Variants in PIGN observed in about 807,000 individuals in gnomAD.
PIGN encodes the protein phosphatidylinositol glycan anchor biosynthesis class N.
In PIGN, 117 loss-of-function variants were observed where a neutral mutation model predicts 125.4. That is an observed-to-expected ratio of 0.93 (90% CI 0.80 to 1.09). PIGN has a LOEUF of 1.09. Ranked by LOEUF, PIGN falls within the 50% of genes least tolerant of loss-of-function variation. PIGN has a pLI of 0.00. For missense variants in PIGN, 1,075 were observed against 1,094.9 expected (o/e 0.98, Z 0.26); for synonymous variants, 392 against 377.8 (o/e 1.04, Z -0.44).
intron 30 of PIGN, among the ~76,000 whole-genome samples, chr18:62,071,863 C>CATTTATATATAT (rs2032871288): frequency 1.3e-5 from 1 of 77,618 alleles, no homozygotes; most frequent in African/African-American, 4.6e-5. Flanking sequence ...ACTCCTTTTC[C>CATTTATATATAT]ATATATATAT....
intron 30 of PIGN, among the ~76,000 whole-genome samples, chr18:62,069,046 A>C (rs1339059181): frequency 1.3e-5 from 2 of 152,212 alleles, no homozygotes; most frequent in East Asian, 3.8e-4. Flanking sequence ...CAGAACTGTG[A>C]GTTTCTCATC....
chr18:62,111,019 T>C (rs17642003), intron 16 of PIGN, among the ~76,000 whole-genome samples: 25,594 of 151,600 alleles, frequency 0.17, 2,920 homozygotes, highest in Middle Eastern at 0.28. Flanking sequence ...CTATATTGTA[T>C]TATTTCTTAT....
intron 30 of PIGN, among the ~76,000 whole-genome samples, chr18:62,051,359 A>G (rs1468213791): frequency 6.6e-6 from 1 of 152,166 alleles, no homozygotes; most frequent in Non-Finnish European, 1.5e-5. Context: ...TAAGCTATTG[A>G]TTATTGCCAC....
At chr18:62,127,133 A>C (rs1028319114) in intron 14 of PIGN, among the ~76,000 whole-genome samples, 3 of 152,144 alleles carry the variant, frequency 2.0e-5, no homozygotes, top group African/African-American at 7.2e-5. Flanking sequence ...ACTTGGGGGA[A>C]GTATCATTCT....
intron 25 of PIGN, chr18:62,088,445 G>A: frequency 5.9e-6 from 1 of 169,136 alleles, no homozygotes; most frequent in Non-Finnish European, 1.2e-5. Context: ...GAAGTCGGGA[G>A]TTGAAAGACT....
intron 4 of PIGN, among the ~76,000 whole-genome samples, chr18:62,158,416 A>G (rs1348917507): frequency 6.6e-6 from 1 of 152,180 alleles, no homozygotes; most frequent in African/African-American, 2.4e-5. Flanking sequence ...ATTCTTAAAA[A>G]ACTAAGGGGA....
chr18:62,026,091 A>G (rs1451884380), intron 23 of PIGN, among the ~76,000 whole-genome samples: 1 of 152,200 alleles, frequency 6.6e-6, no homozygotes, highest in Non-Finnish European at 1.5e-5. Flanking sequence ...TATCACTCAC[A>G]TTGTGATAGC....
At chr18:62,156,626 C>T (rs1185078641) in intron 6 of PIGN, among the ~76,000 whole-genome samples, 1 of 152,190 alleles carries the variant, frequency 6.6e-6, no homozygotes, top group Non-Finnish European at 1.5e-5. Context: ...CCACTGTGCC[C>T]AGCCAATGTT....
In PIGN at chr18:62,045,581, G is replaced by C; in HGVS notation, c.*275C>G. ...GCTGCAGGTGCTCTCAACATCACTG[G>C]GAAGAGCTGCCAGCCAAAGGAAAAA... On this transcript the variant is annotated 3_prime_UTR_variant, in exon 31 of 31. Transcript: ENST00000640252. 3.7e-6 allele frequency: 1 copy of C among 273,168 alleles called. No homozygotes were observed. The highest frequency in any genetic ancestry group is 7.1e-6 in the Non-Finnish European group (1 of 141,792). The allele number at this position is 273,168 out of a possible 1,614,324, so 16.9% of individuals were successfully genotyped here.
intron 14 of PIGN, among the ~76,000 whole-genome samples, chr18:62,124,579 C>T (rs1440902671): frequency 6.6e-6 from 1 of 152,108 alleles, no homozygotes; most frequent in Non-Finnish European, 1.5e-5. Flanking sequence ...CAAATCTAAC[C>T]ATGCCTTAAA....
rs1389631296 is a variant in PIGN at position 62,044,364 on chromosome 18, T to TA, written c.*1491dup. On this transcript the variant is annotated 3_prime_UTR_variant, in exon 31 of 31. Coordinates refer to ENST00000640252, the MANE Select transcript of PIGN (RefSeq NM_176787.5). The stretch of plus-strand genomic sequence containing the variant: ...TTTTCTGATGTGTGAAAAAAACTGA[T>TA]AAAAAAATCCTTTGAGGTAATATGA... 1 of 152,200 alleles carries TA rather than the reference T, an allele frequency of 6.6e-6. No homozygotes were observed. The highest frequency in any genetic ancestry group is 1.9e-4 in the East Asian group (1 of 5,202). 9.4% of individuals were successfully genotyped at this position (152,200 alleles called of 1,614,324 possible). A position where few individuals can be genotyped will look rare whatever the true frequency, so the allele number is the denominator to read the frequency against.
At chr18:62,032,714 A>T (rs1423374674) in intron 23 of PIGN, among the ~76,000 whole-genome samples, 2 of 152,232 alleles carry the variant, frequency 1.3e-5, no homozygotes, top group Non-Finnish European at 2.9e-5. Context: ...CAAGTTATTT[A>T]TAATTATCCA....
At chr18:62,106,681 A>G in intron 19 of PIGN, 108 bp downstream of exon 19, 1 of 707,782 alleles carries the variant, frequency 1.4e-6, no homozygotes, top group Non-Finnish European at 2.4e-6. Context: ...TCTTTTATGT[A>G]AGAACACATT....
At position 62,026,886 on chromosome 18, in the gene PIGN, T is replaced by C. The variant is rs2030126622; in HGVS notation, c.2143-9145A>G. 5.3e-5 allele frequency among the ~76,000 whole-genome samples: 8 copies of C among 152,236 alleles called. No homozygotes were observed. The South Asian group carries it at 1.7e-3, about 32-fold the overall frequency. On this transcript the variant is annotated intron_variant, in intron 23 of 24. Coordinates refer to the PIGN transcript ENST00000639600. Reference sequence around the variant, plus strand: ...GTGTGGCCTGAGAAGGATGTTTCCTTTGAGGGACAAGCTTTTAAAGGAGGC... The same window carrying C: ...GTGTGGCCTGAGAAGGATGTTTCCTCTGAGGGACAAGCTTTTAAAGGAGGC...
intron 23 of PIGN, among the ~76,000 whole-genome samples, chr18:62,034,678 G>T (rs1009711505): frequency 6.6e-6 from 1 of 152,260 alleles, no homozygotes; most frequent in African/African-American, 2.4e-5. Context: ...TAGCTCCTTC[G>T]TTTTGGCCAA....
chr18:62,043,772 CA>C lies in PIGN; in HGVS notation c.*2083del, dbSNP rs1367272975. ...ATGATAGCATGGCCTTTTTTTGGTT[CA>C]ATATTTTCACAACTTGTTCTGCCTA... On this transcript the variant is annotated 3_prime_UTR_variant, in exon 31 of 31. Coordinates refer to ENST00000640252, the MANE Select transcript of PIGN (RefSeq NM_176787.5). 4.6e-5 allele frequency: 7 copies of C among 151,950 alleles called. No homozygotes were observed. The highest frequency in any genetic ancestry group is 1.0e-4 in the Non-Finnish European group (7 of 67,998). The allele number at this position is 151,950 out of a possible 1,614,324, so 9.4% of individuals were successfully genotyped here.
At chr18:62,028,828 G>T (rs1166000680) in intron 23 of PIGN, among the ~76,000 whole-genome samples, 1 of 152,232 alleles carries the variant, frequency 6.6e-6, no homozygotes, top group Non-Finnish European at 1.5e-5. Flanking sequence ...ATCAGAGGAA[G>T]AAAGGGCAAC....
At chr18:62,170,584 T>C (rs76237962) in intron 1 of PIGN, among the ~76,000 whole-genome samples, 5,614 of 152,180 alleles carry the variant, frequency 0.037, 342 homozygotes, top group African/African-American at 0.13. Flanking sequence ...CCTTGGGCCT[T>C]GCTATTCCAA....
chr18:62,089,924 A>G (rs2033880390), intron 24 of PIGN, among the ~76,000 whole-genome samples: 1 of 152,196 alleles, frequency 6.6e-6, no homozygotes, highest in African/African-American at 2.4e-5. Context: ...AGGTATCCTT[A>G]AAAATTGGTT....
Sources: allele counts gnomAD v4.1 joint callset (sites outside exome capture counted in the v4.1 genomes callset), GRCh38; gene constraint gnomAD v4.1.1; transcripts MANE v1.5; gene names NCBI Gene and HGNC (gene_info 2026-07-23, HGNC 2026-07-21).